PTPRN2: variants seen among roughly 807,000 people sequenced by gnomAD.
The protein encoded by PTPRN2 is receptor-type tyrosine-protein phosphatase N2.
PTPRN2 carries 74 observed loss-of-function variants against 118.8 expected under a neutral mutation model. The ratio of observed to expected loss-of-function variants is 0.62; its 90% CI spans 0.52 to 0.76. The LOEUF (loss-of-function observed/expected upper bound fraction) is 0.76. Among genes scored for constraint, PTPRN2 ranks in the 30% least tolerant of loss-of-function variants. The pLI, the probability that PTPRN2 is intolerant of heterozygous loss-of-function variation, is 0.00. For synonymous variants in PTPRN2, 641 were observed against 608.0 expected, an observed-to-expected ratio of 1.05 and a Z score of -0.80; for missense variants, 1,481 against 1,394.4, an observed-to-expected ratio of 1.06 and a Z score of -0.99.
intron 5 of PTPRN2, among the ~76,000 whole-genome samples, chr7:158,178,912 T>G (rs1310664776): frequency 6.6e-6 from 1 of 152,226 alleles, no homozygotes; most frequent in Non-Finnish European, 1.5e-5. Context: ...CATCAGTCAA[T>G]GGGCACTTAG....
At chr7:157,586,936 G>C (rs867629872) in intron 17 of PTPRN2, among the ~76,000 whole-genome samples, 1 of 152,200 alleles carries the variant, frequency 6.6e-6, no homozygotes, top group Non-Finnish European at 1.5e-5. Flanking sequence ...CCCCTCCACC[G>C]GGGCCAGGCC....
At position 158,526,318 on chromosome 7, in the gene PTPRN2, G is replaced by A. The variant is rs11766174; in HGVS notation, c.113-36533C>T. Reference sequence around the variant, plus strand: ...GACACCACTCCTTCCCGGTGAGCTCGGCAGGGCTGCATCTCTCCCGTGGGA... The same window carrying A: ...GACACCACTCCTTCCCGGTGAGCTCAGCAGGGCTGCATCTCTCCCGTGGGA... On this transcript the variant is annotated intron_variant, in intron 1 of 22. Transcript: ENST00000389418. This position sits in a 1 kb window ranked among gnomAD's most constrained non-coding sequence, Gnocchi z 5.2. 0.072 allele frequency among the ~76,000 whole-genome samples: 10,987 copies of A among 152,236 alleles called. 537 individuals carry two copies. The highest frequency in any genetic ancestry group is 0.11 in the Non-Finnish European group (7,600 of 68,000).
At chr7:158,560,659 A>C (rs1437735502) in intron 1 of PTPRN2, among the ~76,000 whole-genome samples, 3 of 152,242 alleles carry the variant, frequency 2.0e-5, no homozygotes, top group African/African-American at 7.2e-5. Flanking sequence ...CCTCACCTTC[A>C]GCAGAAACCC....
chr7:157,749,678 TG>T (rs1801323329), intron 12 of PTPRN2, among the ~76,000 whole-genome samples: 1 of 141,954 alleles, frequency 7.0e-6, no homozygotes, highest in East Asian at 2.2e-4. Context: ...GTCCCTGAGC[TG>T]CGGGGTGTCA....
intron 2 of PTPRN2, among the ~76,000 whole-genome samples, chr7:158,448,943 C>A (rs1817913192): frequency 6.6e-6 from 1 of 152,126 alleles, no homozygotes; most frequent in Admixed American, 6.5e-5. Context: ...ACTGTGGTGT[C>A]CAAGATGGAA....
chr7:158,550,264 T>C (rs762530725), intron 1 of PTPRN2, among the ~76,000 whole-genome samples: 8 of 152,188 alleles, frequency 5.3e-5, no homozygotes, highest in Admixed American at 2.6e-4. Context: ...GGGTCACGGA[T>C]GCTGCCCGGC....
intron 2 of PTPRN2, among the ~76,000 whole-genome samples, chr7:158,434,925 C>T (rs7789415): frequency 0.4 from 61,194 of 151,898 alleles, 12,931 homozygotes; most frequent in East Asian, 0.62. Flanking sequence ...TGGACCGTTA[C>T]CTTATACCAT....
At chr7:158,336,818 A>G (rs1415061163) in intron 2 of PTPRN2, among the ~76,000 whole-genome samples, 6 of 96,714 alleles carry the variant, frequency 6.2e-5, no homozygotes, top group African/African-American at 2.2e-4. Flanking sequence ...TCACCATAAG[A>G]AGTGACACCT....
chr7:157,829,839 G>A (rs551857474), intron 12 of PTPRN2, among the ~76,000 whole-genome samples: 38 of 152,298 alleles, frequency 2.5e-4, no homozygotes, highest in African/African-American at 8.7e-4. Context: ...TTTGTCCCTG[G>A]GCAAACTCTG....
At chr7:158,059,623 T>C (rs1324669200) in intron 11 of PTPRN2, among the ~76,000 whole-genome samples, 10 of 101,670 alleles carry the variant, frequency 9.8e-5, no homozygotes, top group Admixed American at 3.7e-4. Context: ...CGGTGACACA[T>C]CACTGCAGCC....
chr7:158,276,248 G>GTAAT (rs1448257488), intron 3 of PTPRN2, among the ~76,000 whole-genome samples: 2 of 22,878 alleles, frequency 8.7e-5, no homozygotes, highest in African/African-American at 1.0e-4. Flanking sequence ...TCCCGGTCCT[G>GTAAT]GTAGCACCCC....
intron 12 of PTPRN2, among the ~76,000 whole-genome samples, chr7:157,825,356 G>C (rs939771265): frequency 6.6e-6 from 1 of 152,282 alleles, no homozygotes; most frequent in Middle Eastern, 3.4e-3. Context: ...GGAGCGGCAG[G>C]AGTAGAACAC....
chr7:157,611,163 T>C lies in PTPRN2; in HGVS notation c.2345-7088A>G, dbSNP rs1323222884. On this transcript the variant is annotated intron_variant, in intron 15 of 22. Coordinates refer to ENST00000389418, the MANE Select transcript of PTPRN2 (RefSeq NM_002847.5). This position sits in a 1 kb window ranked among gnomAD's most constrained non-coding sequence, Gnocchi z 5.9. ...GGAGCAACAGTGGCCCCAAATGGCATGGTCACAAGGCTGGTTTAGTGTCTC... is the reference window on the plus strand; with the variant it reads ...GGAGCAACAGTGGCCCCAAATGGCACGGTCACAAGGCTGGTTTAGTGTCTC... 1.3e-5 allele frequency among the ~76,000 whole-genome samples: 2 copies of C among 152,198 alleles called. No individual in the cohort carries two copies. Among genetic ancestry groups the C allele is most frequent in the Non-Finnish European group, 2.9e-5 (2 of 68,032 alleles).
intron 1 of PTPRN2, among the ~76,000 whole-genome samples, chr7:158,556,233 A>T (rs1056549031): frequency 6.6e-6 from 1 of 152,150 alleles, no homozygotes; most frequent in Admixed American, 6.5e-5. Flanking sequence ...GATTAGATAG[A>T]TAGATAGAGA....
intron 2 of PTPRN2, among the ~76,000 whole-genome samples, chr7:158,413,071 C>T (rs1200939107): frequency 1.3e-5 from 2 of 149,924 alleles, no homozygotes; most frequent in African/African-American, 2.4e-5. Flanking sequence ...CTCCAGGGCC[C>T]GTCTCAGCGC....
At chr7:158,313,616 T>C (rs1295926683) in intron 3 of PTPRN2, among the ~76,000 whole-genome samples, 2 of 151,848 alleles carry the variant, frequency 1.3e-5, no homozygotes, top group African/African-American at 4.8e-5. Context: ...GGGACCCCCC[T>C]ATCCCCATGT....
intron 21 of PTPRN2, among the ~76,000 whole-genome samples, chr7:157,563,305 C>G (rs1480584502): frequency 1.6e-5 from 2 of 127,338 alleles, no homozygotes; most frequent in African/African-American, 6.1e-5. Context: ...AGATCAGGAC[C>G]ACGTGCTCCC....
rs111541193 is a variant in PTPRN2 at position 157,787,479 on chromosome 7, C to G, written c.1789-104542G>C. Among the ~76,000 whole-genome samples, 72 of 152,064 alleles carry G rather than the reference C, an allele frequency of 4.7e-4. No homozygotes were observed. Among genetic ancestry groups the G allele is most frequent in the African/African-American group, 1.7e-3 (71 of 41,426 alleles). On this transcript the variant is annotated intron_variant, in intron 12 of 22. Transcript: ENST00000389418. This position sits in a 1 kb window ranked among gnomAD's most constrained non-coding sequence, Gnocchi z 5.3. ...GCTGTGCCTGGGTCACCCCAGTGGG[C>G]AGGGCGGGCAGGGGGCTTCCCCACA... is the stretch of plus-strand genomic sequence containing the variant.
chr7:157,973,146 C>T (rs1363617602), intron 11 of PTPRN2, among the ~76,000 whole-genome samples: 1 of 152,206 alleles, frequency 6.6e-6, no homozygotes, highest in East Asian at 1.9e-4. Flanking sequence ...GCAGGAGAGG[C>T]CCCATGAGAT....
Sources: gnomAD v4.1 joint callset for allele counts (sites outside exome capture counted in the v4.1 genomes callset) on GRCh38, gnomAD v4.1.1 for gene constraint, Gnocchi (gnomAD v3.1) non-coding constraint, MANE v1.5 for transcripts, NCBI Gene and HGNC (gene_info 2026-07-23, HGNC 2026-07-21) for gene names.